The following C1RL variants were observed in gnomAD, a reference collection of about 807,000 sequenced individuals.
The protein encoded by C1RL is complement C1r subcomponent-like protein.
C1RL carries 27 observed loss-of-function variants against 27.9 expected under a neutral mutation model. That is an observed-to-expected ratio of 0.97 (90% CI 0.71 to 1.33). C1RL has a LOEUF of 1.33. C1RL is among the 40% of genes most tolerant of loss of function. The pLI is 0.00. For missense variants in C1RL, 563 were observed against 623.9 expected, an observed-to-expected ratio of 0.90 and a Z score of 1.04; for synonymous variants, 248 against 252.1, an observed-to-expected ratio of 0.98 and a Z score of 0.15.
Position 7,096,192 on chromosome 12 carries a change from T to C in C1RL, c.*199A>G. On this transcript the variant is annotated 3_prime_UTR_variant, in exon 6 of 6. Coordinates refer to ENST00000266542, the MANE Select transcript of C1RL (RefSeq NM_016546.4). ...GAGGAGCGGTCTGTGGGACTCTGCTTCCTGTCTGGGATGGGGCGGGCTTGC... is the reference window on the plus strand; with the variant it reads ...GAGGAGCGGTCTGTGGGACTCTGCTCCCTGTCTGGGATGGGGCGGGCTTGC... 7.3e-7 allele frequency: 1 copy of C among 1,373,358 alleles called. No homozygotes were observed. Among genetic ancestry groups the C allele is most frequent in the Non-Finnish European group, 9.4e-7 (1 of 1,067,176 alleles). 85.1% of individuals were successfully genotyped at this position (1,373,358 alleles called of 1,614,324 possible).
chr12:7,100,018 A>G lies in C1RL; in HGVS notation c.499T>C (p.Tyr167His). The G allele has an allele frequency of 6.2e-7, 1 of 1,612,208 alleles. No homozygotes were observed. The highest frequency in any genetic ancestry group is 8.5e-7 in the Non-Finnish European group (1 of 1,179,288). ...CTGGCCTCGCTGATGGGCTGACTAT[A>G]GTTCACAGCTATAGGAAAACAGCAC... Reference protein sequence around the residue: ...LALYQTVAVNYSQPISEASRG... With the variant: ...LALYQTVAVNHSQPISEASRG... Residue 167 changes from tyrosine to histidine, a missense_variant, in exon 4 of 6, where the codon TAT becomes CAT. Coordinates refer to ENST00000266542, the MANE Select transcript of C1RL (RefSeq NM_016546.4).
At chr12:7,100,280 T>C (rs1304229448) in intron 3 of C1RL, among the ~76,000 whole-genome samples, 2 of 152,196 alleles carry the variant, frequency 1.3e-5, no homozygotes, top group African/African-American at 4.8e-5. Context: ...CAAAACCGTT[T>C]TGGAGAAAAT....
chr12:7,102,334 A>G (rs764106292), intron 2 of C1RL, among the ~76,000 whole-genome samples: 1 of 152,188 alleles, frequency 6.6e-6, no homozygotes, highest in Non-Finnish European at 1.5e-5. Flanking sequence ...TATTTCACGT[A>G]ACCCACTATA....
chr12:7,103,200 T>C (rs1257930730), intron 2 of C1RL, among the ~76,000 whole-genome samples: 1 of 152,226 alleles, frequency 6.6e-6, no homozygotes, highest in African/African-American at 2.4e-5. Context: ...AGCAATTTGA[T>C]GTAGGAAATG....
chr12:7,099,707 C>A lies in C1RL; in HGVS notation c.670G>T (p.Glu224Ter). Reference protein sequence around the residue: ...GTWKDRQDGEEVLQCMPVCGR... With the variant: ...GTWKDRQDGE ...TCACCAGGCATACACTGAAGAACCT[C>A]CTCCCCATCCTGTCTGTCTTTCCAG... The change falls in exon 5 of 6, where the codon GAG (glutamate) becomes TAG (stop). Residue 224 changes from glutamate to a stop codon, truncating the protein, a stop_gained. Transcript: ENST00000266542. LOFTEE classifies it low-confidence loss of function (END_TRUNC). 1.3e-6 allele frequency: 2 copies of A among 1,556,664 alleles called. No homozygotes were observed. Among genetic ancestry groups the A allele is most frequent in the Non-Finnish European group, 1.7e-6 (2 of 1,149,498 alleles).
At position 7,095,151 on chromosome 12, in the gene C1RL, C is replaced by T; in HGVS notation, c.*1240G>A. ...TTTTTGGGGGGGATGAAGTCTTGGT[C>T]TGTCCGCAGGCTGGAGTGCAGTGGC... On this transcript the variant is annotated 3_prime_UTR_variant, in exon 6 of 6. Transcript: ENST00000266542. 1 of 1,232,606 alleles carries T rather than the reference C, an allele frequency of 8.1e-7. No homozygotes were observed. The highest frequency in any genetic ancestry group is 1.0e-6 in the Non-Finnish European group (1 of 962,170). The allele number at this position is 1,232,606 out of a possible 1,614,324, so 76.4% of individuals were successfully genotyped here. A position where few individuals can be genotyped will look rare whatever the true frequency, so the allele number is the denominator to read the frequency against.
chr12:7,094,853 A>G lies in C1RL; in HGVS notation c.*1538T>C. On this transcript the variant is annotated 3_prime_UTR_variant, in exon 6 of 6. Coordinates refer to ENST00000266542, the MANE Select transcript of C1RL (RefSeq NM_016546.4). ...ATCAGCCTCCTGAGTGGCTGGGGGT[A>G]TAAGTGTGCATCATTGCACCTGCCT... 1 of 993,994 alleles carries G rather than the reference A, an allele frequency of 1.0e-6. No individual in the cohort carries two copies. The highest frequency in any genetic ancestry group is 4.1e-5 in the South Asian group (1 of 24,274). 61.6% of individuals were successfully genotyped at this position (993,994 alleles called of 1,614,324 possible).
chr12:7,098,163 C>G (rs1021391562), intron 5 of C1RL: 3 of 152,130 alleles, frequency 2.0e-5, no homozygotes, highest in African/African-American at 7.2e-5. Context: ...CCCAGCTATT[C>G]GGGAGGCTGA....
Position 7,099,951 on chromosome 12 carries a change from G to A in C1RL, c.566C>T (p.Ala189Val), listed in dbSNP as rs1216620668. 2 of 1,614,026 alleles carry A rather than the reference G, an allele frequency of 1.2e-6. No homozygotes were observed. The highest frequency in any genetic ancestry group is 1.7e-6 in the Non-Finnish European group (2 of 1,180,022). The change falls in exon 4 of 6, where the codon GCC becomes GTC. Residue 189 changes from alanine to valine, a missense_variant. Coordinates refer to ENST00000266542, the MANE Select transcript of C1RL (RefSeq NM_016546.4). ...EAINAPGDNPAKVQNHCQEPY... is the reference protein window; with the variant it reads ...EAINAPGDNPVKVQNHCQEPY... Reference sequence around the variant, plus strand: ...CTCCTGGCAGTGGTTCTGGACCTTGGCAGGGTTGTCTCCAGGTGCGTTGAT... The same window carrying A: ...CTCCTGGCAGTGGTTCTGGACCTTGACAGGGTTGTCTCCAGGTGCGTTGAT...
intron 2 of C1RL, 119 bp downstream of exon 2, chr12:7,108,132 C>T (rs971804644): frequency 6.1e-6 from 5 of 817,148 alleles, no homozygotes; most frequent in Non-Finnish European, 9.2e-6. Flanking sequence ...GCCCGACTGC[C>T]CCTACATGGA....
chr12:7,103,244 C>T (rs1277623775), intron 2 of C1RL, among the ~76,000 whole-genome samples: 1 of 152,204 alleles, frequency 6.6e-6, no homozygotes, highest in Non-Finnish European at 1.5e-5. Flanking sequence ...GTAAAACCCT[C>T]CAGCTTTCTT....
At position 7,096,967 on chromosome 12, in the gene C1RL, G is replaced by A. The variant is rs199646073; in HGVS notation, c.888C>T (p.Asn296=). 101 of 1,613,970 alleles carry A rather than the reference G, an allele frequency of 6.3e-5. No individual in the cohort carries two copies. The Admixed American group carries it at 6.8e-4, about 11-fold the overall frequency. ...GGCCCAAGAACACATTCACACTCTG[G>A]TTCTTCCTGAGAGAAACACTGTCCT... is the stretch of plus-strand genomic sequence containing the variant. ...YPKDSVSLRK[N]QSVNVFLGHT... is the part of the protein sequence containing the mutation. Residue 296 remains asparagine, a synonymous_variant, in exon 6 of 6, where the codon AAC becomes AAT. Coordinates refer to ENST00000266542, the MANE Select transcript of C1RL (RefSeq NM_016546.4).
At position 7,096,294 on chromosome 12, in the gene C1RL, A is replaced by T. The variant is rs909219343; in HGVS notation, c.*97T>A. The T allele has an allele frequency of 3.3e-5, 3 of 91,286 alleles. No homozygotes were observed. The highest frequency in any genetic ancestry group is 4.9e-5 in the Non-Finnish European group (3 of 61,158). The allele number at this position is 91,286 out of a possible 1,614,324, so 5.7% of individuals were successfully genotyped here. A position where few individuals can be genotyped will look rare whatever the true frequency, so the allele number is the denominator to read the frequency against. ...ATTTCCCTGCCTCCCCCAACCCCCC[A>T]CCCCCAACCCCTACCCCAGTGTTCA... On this transcript the variant is annotated 3_prime_UTR_variant, in exon 6 of 6. Transcript: ENST00000266542.
rs777102868 is a variant in C1RL at position 7,101,888 on chromosome 12, G to T, written c.490+10C>A. The T allele has an allele frequency of 1.2e-6, 2 of 1,613,808 alleles. No individual in the cohort carries two copies. The highest frequency in any genetic ancestry group is 1.7e-6 in the Non-Finnish European group (2 of 1,179,710). On this transcript the variant is annotated intron_variant, in intron 3 of 5. Coordinates refer to ENST00000266542, the MANE Select transcript of C1RL (RefSeq NM_016546.4). ...GGCTCCCTCCCTGCACCCCCAGGAG[G>T]GACACTCACCCACGGTTTGGTAGAG...
chr12:7,100,805 T>A (rs903991080), intron 3 of C1RL, among the ~76,000 whole-genome samples: 3 of 151,756 alleles, frequency 2.0e-5, no homozygotes, highest in African/African-American at 7.3e-5. Flanking sequence ...ATAAATAAAA[T>A]AAAAAATAAA....
Position 7,099,798 on chromosome 12 carries a change from G to C in C1RL, c.617-38C>G, listed in dbSNP as rs751232100. ...TGAGGAGAGGCAAAGAAATAGGCTC[G>C]GAGTTGAAGCTGTTGGTTAACGAAG... On this transcript the variant is annotated intron_variant, in intron 4 of 5. Coordinates refer to ENST00000266542, the MANE Select transcript of C1RL (RefSeq NM_016546.4). 4.7e-5 allele frequency: 75 copies of C among 1,609,272 alleles called. No homozygotes were observed. The South Asian group carries it at 7.1e-4, about 15-fold the overall frequency.
At chr12:7,099,537 C>T in intron 5 of C1RL, 149 bp downstream of exon 5, 1 of 1,407,882 alleles carries the variant, frequency 7.1e-7, no homozygotes, top group South Asian at 1.5e-5. Flanking sequence ...CTGTTCTTTT[C>T]TGGGCCTTCT....
At chr12:7,108,994 G>GTGTGTGTGTGTGTGTGTCT in intron 1 of C1RL, 116 bp downstream of exon 1, 3 of 382,632 alleles carry the variant, frequency 7.8e-6, no homozygotes, top group Non-Finnish European at 9.4e-6. Context: ...TGTGTGGGGG[G>GTGTGTGTGTGTGTGTGTCT]GGGGGGGATG....
chr12:7,101,829 G>C, intron 3 of C1RL, 69 bp downstream of exon 3: 1 of 1,517,004 alleles, frequency 6.6e-7, no homozygotes, highest in Non-Finnish European at 9.1e-7. Flanking sequence ...TCCACTTAAG[G>C]CTTGAAGATA....
Sources: allele counts gnomAD v4.1 joint callset (sites outside exome capture counted in the v4.1 genomes callset), GRCh38; gene constraint gnomAD v4.1.1; transcripts MANE v1.5; gene names NCBI Gene and HGNC (gene_info 2026-07-23, HGNC 2026-07-21).